STAT4: variants seen among roughly 807,000 people sequenced by gnomAD.
STAT4 encodes the protein signal transducer and activator of transcription 4.
Under a neutral mutation model 110.5 loss-of-function variants are expected in STAT4, and 42 were observed. That is an observed-to-expected ratio of 0.38 (90% CI 0.30 to 0.49). The LOEUF is 0.49. STAT4 is among the 20% of genes least tolerant of loss of function. The probability of loss-of-function intolerance (pLI) is 0.95; values close to 1 mark genes in which losing one functional copy is unlikely to be tolerated. For synonymous variants in STAT4, 284 were observed against 302.2 expected (o/e 0.94, Z 0.63); for missense variants, 632 against 887.9 (o/e 0.71, Z 3.66).
At chr2:191,084,885 C>G (rs1289375146) in intron 3 of STAT4, among the ~76,000 whole-genome samples, 4 of 151,752 alleles carry the variant, frequency 2.6e-5, no homozygotes, top group Non-Finnish European at 4.4e-5. Flanking sequence ...GAAAATCTTA[C>G]CTTATGGCTC....
intron 3 of STAT4, among the ~76,000 whole-genome samples, chr2:191,097,627 G>A (rs1327287757): frequency 6.6e-6 from 1 of 152,124 alleles, no homozygotes; most frequent in Non-Finnish European, 1.5e-5. Flanking sequence ...ATTCAAGATG[G>A]ATTAAAGACT....
Position 191,030,767 on chromosome 2 carries a change from G to A in STAT4, c.2220+205C>T, listed in dbSNP as rs573844425. ...GTGGAAACAACGTAAAGCAGTTTAA[G>A]TAACTGAAGGTGTCTGCTTTCAATA... On this transcript the variant is annotated intron_variant, in intron 23 of 23. Coordinates refer to ENST00000392320, the MANE Select transcript of STAT4 (RefSeq NM_003151.4). This position sits in a 1 kb window ranked among gnomAD's most constrained non-coding sequence, Gnocchi z 4.4. 19 of 502,526 alleles carry A rather than the reference G, an allele frequency of 3.8e-5. No homozygotes were observed. The highest frequency in any genetic ancestry group is 3.7e-4 in the African/African-American group (19 of 51,396). The allele number at this position is 502,526 out of a possible 1,614,324, so 31.1% of individuals were successfully genotyped here. A position where few individuals can be genotyped will look rare whatever the true frequency, so the allele number is the denominator to read the frequency against.
At chr2:191,097,320 T>C (rs186319918) in intron 3 of STAT4, among the ~76,000 whole-genome samples, 1 of 152,288 alleles carries the variant, frequency 6.6e-6, no homozygotes, top group African/African-American at 2.4e-5. Flanking sequence ...AAGTCAATCC[T>C]AAACAAAAAG....
rs1159502083 is a variant in STAT4 at position 191,045,868 on chromosome 2, C to T, written c.1252-4720G>A. On this transcript the variant is annotated intron_variant, in intron 14 of 23. Transcript: ENST00000392320. ...TTCTGCTTAAAAATCCCTAAACCAC[C>T]CCTAAAAGTACTCCCAGCACGTCAA... Among the ~76,000 whole-genome samples the T allele has an allele frequency of 2.0e-5, 3 of 152,250 alleles. No individual in the cohort carries two copies. The East Asian group carries it at 5.8e-4, about 29-fold the overall frequency.
At chr2:191,080,951 T>G (rs1158294388) in intron 3 of STAT4, among the ~76,000 whole-genome samples, 1 of 152,142 alleles carries the variant, frequency 6.6e-6, no homozygotes, top group African/African-American at 2.4e-5. Flanking sequence ...CATCAACCTG[T>G]CATCAAATTA....
intron 1 of STAT4, among the ~76,000 whole-genome samples, chr2:191,149,538 T>G (rs12988825): frequency 0.12 from 18,202 of 152,194 alleles, 1,198 homozygotes; most frequent in East Asian, 0.21. Context: ...GCTATGAATA[T>G]GGTAGGTGGA....
intron 14 of STAT4, among the ~76,000 whole-genome samples, chr2:191,045,413 T>A (rs569227206): frequency 6.6e-6 from 1 of 152,320 alleles, no homozygotes; most frequent in South Asian, 2.1e-4. Context: ...AATGTGTGTA[T>A]CCTCATTGTG....
rs1288211315 is a variant in STAT4, at chr2:191,029,777, G to T, written c.*63C>A. ...TGAAGAAATAAAATGTGGTTATTGG[G>T]CAAAGAACAGTCTTTAAACTTTTTC... On this transcript the variant is annotated 3_prime_UTR_variant, in exon 24 of 24. Transcript: ENST00000392320. The surrounding 1 kb of genome is among the most constrained non-coding windows in gnomAD (Gnocchi z 4.5). 22 of 1,442,482 alleles carry T rather than the reference G, an allele frequency of 1.5e-5. No individual in the cohort carries two copies. Among genetic ancestry groups the T allele is most frequent in the East Asian group, 1.2e-4 (5 of 43,388 alleles). 89.4% of individuals were successfully genotyped at this position (1,442,482 alleles called of 1,614,324 possible).
chr2:191,103,860 T>C (rs1449577052), intron 3 of STAT4, among the ~76,000 whole-genome samples: 2 of 152,208 alleles, frequency 1.3e-5, no homozygotes, highest in African/African-American at 4.8e-5. Context: ...TCTATTATTC[T>C]CTATTTTAAC....
rs781303864 is a variant in STAT4, at chr2:191,039,319, A to G, written c.1336-22T>C. 1 of 1,607,780 alleles carries G rather than the reference A, an allele frequency of 6.2e-7. No homozygotes were observed. Among genetic ancestry groups the G allele is most frequent in the Admixed American group, 1.7e-5 (1 of 60,016 alleles). ...TGGTCTGGTTTGGGGGGAAAAAAGC[A>G]TAGTTATTACAGGTAGTCCCACCTT... is the stretch of plus-strand genomic sequence containing the variant. On this transcript the variant is annotated intron_variant, in intron 15 of 23. Coordinates refer to ENST00000392320, the MANE Select transcript of STAT4 (RefSeq NM_003151.4). The surrounding 1 kb of genome is among the most constrained non-coding windows in gnomAD (Gnocchi z 4.7).
intron 13 of STAT4, among the ~76,000 whole-genome samples, 183 bp from the exon 14 acceptor site, chr2:191,054,717 C>T (rs1476759039): frequency 6.6e-6 from 1 of 152,216 alleles, no homozygotes; most frequent in Non-Finnish European, 1.5e-5. Flanking sequence ...TTTCCTGTCT[C>T]ACCCCATGGG....
At chr2:191,071,073 T>C (rs1264308001) in intron 5 of STAT4, among the ~76,000 whole-genome samples, 3 of 152,242 alleles carry the variant, frequency 2.0e-5, no homozygotes, top group South Asian at 2.1e-4. Context: ...ATTGACTACA[T>C]GATACACTGT....
In STAT4 at chr2:191,125,456, T is replaced by C. The variant is rs1359849795; in HGVS notation, c.273+21157A>G. Among the ~76,000 whole-genome samples the C allele has an allele frequency of 2.1e-5, 3 of 146,070 alleles. No individual in the cohort carries two copies. The East Asian group carries it at 6.2e-4, about 30-fold the overall frequency. On this transcript the variant is annotated intron_variant, in intron 3 of 23. Coordinates refer to ENST00000392320, the MANE Select transcript of STAT4 (RefSeq NM_003151.4). The stretch of plus-strand genomic sequence containing the variant: ...TGGAAATTGACTATCTACTGAGCCA[T>C]TGGCTGTGGATCCTCATTATTTATT...
At chr2:191,080,650 A>G (rs1255645562) in intron 3 of STAT4, among the ~76,000 whole-genome samples, 1 of 152,168 alleles carries the variant, frequency 6.6e-6, no homozygotes, top group East Asian at 1.9e-4. Flanking sequence ...TCATACCATC[A>G]TGATAAACAA....
intron 18 of STAT4, among the ~76,000 whole-genome samples, chr2:191,034,288 T>C (rs1480270402): frequency 6.6e-6 from 1 of 151,728 alleles, no homozygotes. Context: ...CCGGGCGTGG[T>C]GGTGGGTGCC....
chr2:191,151,434 A>G, upstream of STAT4: 1 of 985,576 alleles, frequency 1.0e-6, no homozygotes, highest in Non-Finnish European at 1.2e-6. The surrounding 1 kb of genome is among the most constrained non-coding windows in gnomAD (Gnocchi z 4.7). Flanking sequence ...CAGGATCAAA[A>G]CACCAAACTC....
Position 191,059,620 on chromosome 2 carries a change from C to T in STAT4, c.1035-851G>A, listed in dbSNP as rs141862578. ...AGACTGCAGAAGGGAGAAACGTGGA[C>T]GTGGCTCTACATAAAAGGAGGGAGT... On this transcript the variant is annotated intron_variant, in intron 10 of 23. Transcript: ENST00000392320. The surrounding 1 kb of genome is among the most constrained non-coding windows in gnomAD (Gnocchi z 4.7). Among the ~76,000 whole-genome samples, 29 of 152,230 alleles carry T rather than the reference C, an allele frequency of 1.9e-4. No individual in the cohort carries two copies. The highest frequency in any genetic ancestry group is 3.9e-4 in the African/African-American group (16 of 41,520).
At chr2:191,073,398 T>A (rs3024840) in intron 4 of STAT4, among the ~76,000 whole-genome samples, 150,259 of 152,358 alleles carry the variant, frequency 0.99, 74,126 homozygotes, top group Middle Eastern at 1. Flanking sequence ...TAAAAATACC[T>A]TATATAGGAC....
In STAT4 at chr2:191,062,979, T is replaced by G. The variant is rs1696891498; in HGVS notation, c.783-59A>C. 4 of 1,464,994 alleles carry G rather than the reference T, an allele frequency of 2.7e-6. No individual in the cohort carries two copies. Among genetic ancestry groups the G allele is most frequent in the South Asian group, 1.2e-5 (1 of 80,544 alleles). The allele number at this position is 1,464,994 out of a possible 1,614,324, so 90.7% of individuals were successfully genotyped here. A position where few individuals can be genotyped will look rare whatever the true frequency, so the allele number is the denominator to read the frequency against. On this transcript the variant is annotated intron_variant, in intron 8 of 23. Transcript: ENST00000392320. This position sits in a 1 kb window ranked among gnomAD's most constrained non-coding sequence, Gnocchi z 4.9. Reference sequence around the variant, plus strand: ...TTTCCACTTAATAATAAAAAAGCATTGTAACAATGGGTCATAGTTAATAAA... The same window carrying G: ...TTTCCACTTAATAATAAAAAAGCATGGTAACAATGGGTCATAGTTAATAAA...
Sources: gnomAD v4.1 joint callset for allele counts (sites outside exome capture counted in the v4.1 genomes callset) on GRCh38, gnomAD v4.1.1 for gene constraint, Gnocchi (gnomAD v3.1) non-coding constraint, MANE v1.5 for transcripts, NCBI Gene and HGNC (gene_info 2026-07-23, HGNC 2026-07-21) for gene names.